The following PLEKHA5 variants were observed in gnomAD, a reference collection of about 807,000 sequenced individuals.
PLEKHA5 encodes the protein pleckstrin homology domain containing A5.
Under a neutral mutation model 181.9 loss-of-function variants are expected in PLEKHA5, and 55 were observed. That is an observed-to-expected ratio of 0.30 (90% confidence interval 0.24 to 0.38). The LOEUF (loss-of-function observed/expected upper bound fraction) is 0.38, where lower values mean the gene tolerates loss of function less well. Ranked by LOEUF, PLEKHA5 falls within the 10% of genes least tolerant of loss-of-function variation. The pLI is 1.00. For missense variants in PLEKHA5, 1,432 were observed against 1,549.5 expected (o/e 0.92, Z 1.27); for synonymous variants, 535 against 529.4 (o/e 1.01, Z -0.15).
At chr12:19,224,270 T>A (rs187476331) in intron 3 of PLEKHA5, among the ~76,000 whole-genome samples, 2 of 152,306 alleles carry the variant, frequency 1.3e-5, no homozygotes, top group Admixed American at 1.3e-4. Context: ...GTTGCTTTTT[T>A]AATAAAGTAA....
At chr12:19,213,021 A>G (rs919146875) in intron 3 of PLEKHA5, among the ~76,000 whole-genome samples, 6 of 152,094 alleles carry the variant, frequency 3.9e-5, no homozygotes, top group Non-Finnish European at 7.4e-5. Context: ...CATAGGGGAA[A>G]TAGGGTCTAT....
chr12:19,183,906 G>A (rs781719829), intron 3 of PLEKHA5, among the ~76,000 whole-genome samples: 38 of 151,942 alleles, frequency 2.5e-4, no homozygotes, highest in Admixed American at 5.2e-4. Context: ...GTAGAGACAG[G>A]GTTTCACCAT....
chr12:19,310,346 A>G (rs1380746657), intron 15 of PLEKHA5, among the ~76,000 whole-genome samples: 1 of 152,136 alleles, frequency 6.6e-6, no homozygotes, highest in Admixed American at 6.5e-5. Context: ...GGCCAGGCTC[A>G]TGCCTGTAAT....
intron 3 of PLEKHA5, among the ~76,000 whole-genome samples, chr12:19,148,819 A>C (rs551938745): frequency 1.3e-5 from 2 of 152,316 alleles, no homozygotes; most frequent in South Asian, 4.1e-4. Flanking sequence ...TCAGCTAGTT[A>C]TTTTGTTGTT....
chr12:19,356,884 C>T (rs2153228288), intron 26 of PLEKHA5, among the ~76,000 whole-genome samples: 1 of 152,204 alleles, frequency 6.6e-6, no homozygotes, highest in East Asian at 1.9e-4. Flanking sequence ...TGGTCTCTAA[C>T]TCCTGACCTC....
chr12:19,288,857 C>T (rs930880257), intron 13 of PLEKHA5, among the ~76,000 whole-genome samples: 68 of 152,308 alleles, frequency 4.5e-4, no homozygotes, highest in African/African-American at 1.6e-3. Flanking sequence ...TATTTACCAC[C>T]ACCTACTTTC....
chr12:19,171,158 T>C (rs1052100841), intron 3 of PLEKHA5, among the ~76,000 whole-genome samples: 3 of 152,204 alleles, frequency 2.0e-5, no homozygotes, highest in Non-Finnish European at 2.9e-5. Context: ...GAGAGACTAC[T>C]TTATTAATAG....
At chr12:19,205,286 C>T in intron 3 of PLEKHA5, 1 of 608,152 alleles carries the variant, frequency 1.6e-6, no homozygotes, top group African/African-American at 2.0e-5. Context: ...CTCTTGGAGA[C>T]TGCGGTGTGG....
At chr12:19,327,644 CTTTTT>C (rs1038779087) in intron 20 of PLEKHA5, among the ~76,000 whole-genome samples, 2 of 41,596 alleles carry the variant, frequency 4.8e-5, no homozygotes, top group South Asian at 1.0e-3. Flanking sequence ...TTTCTTTTTT[CTTTTT>C]TTTTTTTTTT....
intron 30 of PLEKHA5, among the ~76,000 whole-genome samples, chr12:19,368,245 C>T (rs1211885264): frequency 6.6e-6 from 1 of 152,120 alleles, no homozygotes; most frequent in Non-Finnish European, 1.5e-5. Flanking sequence ...AATCTCAGCA[C>T]TTTCGGAAGC....
chr12:19,368,952 A>G (rs1396515851), intron 30 of PLEKHA5, among the ~76,000 whole-genome samples: 1 of 27,576 alleles, frequency 3.6e-5, no homozygotes, highest in Non-Finnish European at 1.8e-3. Context: ...AGCTGCATAG[A>G]ACTAAAAAAA....
chr12:19,242,067 G>A (rs1312881055), intron 3 of PLEKHA5, among the ~76,000 whole-genome samples: 2 of 152,038 alleles, frequency 1.3e-5, no homozygotes, highest in Non-Finnish European at 2.9e-5. Flanking sequence ...AAGCACTTTT[G>A]CTTTTAATTT....
intron 16 of PLEKHA5, among the ~76,000 whole-genome samples, chr12:19,318,521 C>G (rs2089753969): frequency 6.6e-6 from 1 of 152,014 alleles, no homozygotes; most frequent in African/African-American, 2.4e-5. Flanking sequence ...TCTGTTGACT[C>G]TGAGATATAG....
At chr12:19,327,441 G>T (rs1233137568) in intron 20 of PLEKHA5, among the ~76,000 whole-genome samples, 2 of 151,320 alleles carry the variant, frequency 1.3e-5, no homozygotes, top group Non-Finnish European at 2.9e-5. Flanking sequence ...AGGGTTATTT[G>T]TTTTGTTTTT....
At position 19,143,680 on chromosome 12, in the gene PLEKHA5, T is replaced by C. The variant is rs186784042; in HGVS notation, c.227+11230T>C. Among the ~76,000 whole-genome samples the C allele has an allele frequency of 1.4e-3, 211 of 152,260 alleles. 1 individual carries two copies. The highest frequency in any genetic ancestry group is 4.8e-3 in the African/African-American group (200 of 41,562). On this transcript the variant is annotated intron_variant, in intron 3 of 31. Transcript: ENST00000429027. The stretch of plus-strand genomic sequence containing the variant: ...ATGCATATATTATGCATTTATAATG[T>C]TTCACATTGACAGTTAATATGTATA...
intron 15 of PLEKHA5, among the ~76,000 whole-genome samples, chr12:19,308,897 G>GGGCGCGCGCGCGCGCGCGCACA (rs2085192964): frequency 1.4e-5 from 2 of 147,176 alleles, no homozygotes; most frequent in African/African-American, 5.2e-5. Flanking sequence ...AAACACAAAC[G>GGGCGCGCGCGCGCGCGCGCACA]CACACACACA....
intron 3 of PLEKHA5, among the ~76,000 whole-genome samples, chr12:19,195,027 A>G (rs913171758): frequency 2.0e-5 from 3 of 151,180 alleles, no homozygotes; most frequent in Non-Finnish European, 1.5e-5. Flanking sequence ...TGTTTGTCAC[A>G]TTTCAAAAAT....
chr12:19,210,859 A>G (rs1316027121), intron 3 of PLEKHA5, among the ~76,000 whole-genome samples: 1 of 152,132 alleles, frequency 6.6e-6, no homozygotes, highest in Non-Finnish European at 1.5e-5. Flanking sequence ...GGTCAGAGAC[A>G]TTGTCATTTT....
At chr12:19,286,511 C>T (rs1204492431) in intron 12 of PLEKHA5, among the ~76,000 whole-genome samples, 1 of 152,074 alleles carries the variant, frequency 6.6e-6, no homozygotes, top group African/African-American at 2.4e-5. Flanking sequence ...GAGATTATCA[C>T]AACAGATTAA....
Sources: gnomAD v4.1 joint callset for allele counts (sites outside exome capture counted in the v4.1 genomes callset) on GRCh38, gnomAD v4.1.1 for gene constraint, MANE v1.5 for transcripts, NCBI Gene and HGNC (gene_info 2026-07-23, HGNC 2026-07-21) for gene names.